RBFOX1: variants seen among roughly 807,000 people sequenced by gnomAD.
The protein encoded by RBFOX1 is RNA binding fox-1 homolog 1.
Under a neutral mutation model 57.7 loss-of-function variants are expected in RBFOX1, and 8 were observed. The ratio of observed to expected loss-of-function variants is 0.14; its 90% CI spans 0.08 to 0.25. The LOEUF (loss-of-function observed/expected upper bound fraction) is 0.25, where lower values mean the gene tolerates loss of function less well. Among genes scored for constraint, RBFOX1 ranks in the 10% least tolerant of loss-of-function variants. The pLI, the probability that RBFOX1 is intolerant of heterozygous loss-of-function variation, is 1.00. For missense variants in RBFOX1, 611 were observed against 548.5 expected, an observed-to-expected ratio of 1.11 and a Z score of -1.14; for synonymous variants, 326 against 222.4, an observed-to-expected ratio of 1.47 and a Z score of -4.15.
chr16:7,489,600 C>G (rs183446543), intron 4 of RBFOX1, among the ~76,000 whole-genome samples: 1 of 152,148 alleles, frequency 6.6e-6, no homozygotes, highest in Non-Finnish European at 1.5e-5. Flanking sequence ...ACTGCAGCCT[C>G]GAACTCCCGG....
At chr16:7,465,046 C>T (rs1472220376) in intron 4 of RBFOX1, among the ~76,000 whole-genome samples, 1 of 152,024 alleles carries the variant, frequency 6.6e-6, no homozygotes, top group Admixed American at 6.6e-5. Context: ...CATGTTACCT[C>T]TTCCAGGGCA....
chr16:6,806,097 C>T (rs191917400), intron 3 of RBFOX1, among the ~76,000 whole-genome samples: 3 of 152,146 alleles, frequency 2.0e-5, no homozygotes, highest in Non-Finnish European at 4.4e-5. Flanking sequence ...AAAGATGATT[C>T]ATCCAAGAAC....
At chr16:6,807,801 C>G (rs112282706) in intron 3 of RBFOX1, among the ~76,000 whole-genome samples, 1 of 151,362 alleles carries the variant, frequency 6.6e-6, no homozygotes, top group Non-Finnish European at 1.5e-5. Flanking sequence ...GGTGACAGAG[C>G]GAGACTCCAT....
chr16:6,100,672 C>G (rs550255918), intron 1 of RBFOX1, among the ~76,000 whole-genome samples: 1 of 152,300 alleles, frequency 6.6e-6, no homozygotes, highest in East Asian at 1.9e-4. Flanking sequence ...ATCTATCTAA[C>G]ATTACAGCAA....
intron 1 of RBFOX1, among the ~76,000 whole-genome samples, chr16:5,419,735 T>G (rs2067259319): frequency 6.6e-6 from 1 of 151,994 alleles, no homozygotes; most frequent in African/African-American, 2.4e-5. Flanking sequence ...ACAAAAGACC[T>G]GAAAGGCAGA....
chr16:7,214,417 G>T (rs1476018901), intron 4 of RBFOX1, among the ~76,000 whole-genome samples: 6 of 151,892 alleles, frequency 4.0e-5, no homozygotes, highest in Non-Finnish European at 8.8e-5. Flanking sequence ...CTCTCTCATG[G>T]GCAGACTGCT....
chr16:6,440,756 G>A (rs1387472595), intron 2 of RBFOX1, among the ~76,000 whole-genome samples: 8 of 150,162 alleles, frequency 5.3e-5, no homozygotes, highest in Non-Finnish European at 8.9e-5. Context: ...AGCCGAGATC[G>A]TGCCAGTGTG....
intron 1 of RBFOX1, among the ~76,000 whole-genome samples, chr16:5,452,355 C>T (rs899480852): frequency 2.6e-5 from 4 of 151,908 alleles, no homozygotes; most frequent in African/African-American, 7.3e-5. Flanking sequence ...GTGATCCACC[C>T]GCCTCGACCT....
chr16:6,911,828 T>G (rs908509396), intron 3 of RBFOX1, among the ~76,000 whole-genome samples: 5 of 152,216 alleles, frequency 3.3e-5, no homozygotes, highest in African/African-American at 1.2e-4. Context: ...TGAATTTACT[T>G]TTTAAAAATC....
intron 1 of RBFOX1, among the ~76,000 whole-genome samples, chr16:5,309,964 G>A (rs1181876912): frequency 6.6e-6 from 1 of 152,144 alleles, no homozygotes; most frequent in Admixed American, 6.6e-5. Context: ...AGAGCTGCTT[G>A]TTCCTCTCTG....
chr16:6,496,450 C>T (rs1039027849), intron 2 of RBFOX1, among the ~76,000 whole-genome samples: 12 of 152,150 alleles, frequency 7.9e-5, no homozygotes, highest in African/African-American at 2.7e-4. Flanking sequence ...TTCTCAGTGC[C>T]TTACTTTTAA....
intron 2 of RBFOX1, among the ~76,000 whole-genome samples, chr16:6,363,468 G>A (rs544114201): frequency 7.9e-5 from 12 of 152,290 alleles, no homozygotes; most frequent in East Asian, 1.9e-4. Context: ...ATGTTCTAGC[G>A]TGGAATGGAT....
intron 1 of RBFOX1, among the ~76,000 whole-genome samples, chr16:6,086,652 G>A (rs2096089340): frequency 6.6e-6 from 1 of 152,178 alleles, no homozygotes; most frequent in East Asian, 1.9e-4. Flanking sequence ...CTCATATCAG[G>A]GAGATGATTT....
At chr16:5,999,776 G>A (rs1369457791) in intron 4 of RBFOX1, among the ~76,000 whole-genome samples, 1 of 149,706 alleles carries the variant, frequency 6.7e-6, no homozygotes, top group African/African-American at 2.4e-5. Flanking sequence ...CAGGAGAATG[G>A]CGTGAACCTG....
At chr16:5,526,645 G>A (rs1354113427) in intron 2 of RBFOX1, among the ~76,000 whole-genome samples, 14 of 152,130 alleles carry the variant, frequency 9.2e-5, no homozygotes. Flanking sequence ...GGACACACAA[G>A]CAATGAAACA....
At chr16:7,124,087 C>A (rs1435427977) in intron 4 of RBFOX1, among the ~76,000 whole-genome samples, 1 of 152,042 alleles carries the variant, frequency 6.6e-6, no homozygotes, top group Non-Finnish European at 1.5e-5. Context: ...TCCCAAATGC[C>A]CAGTGTTTTA....
chr16:6,230,577 G>A (rs1368159762), intron 1 of RBFOX1, among the ~76,000 whole-genome samples: 1 of 152,204 alleles, frequency 6.6e-6, no homozygotes, highest in Admixed American at 6.5e-5. Context: ...TGGGTCAACA[G>A]TTTGGACTAG....
intron 1 of RBFOX1, among the ~76,000 whole-genome samples, chr16:5,249,737 G>A (rs1407264271): frequency 1.3e-5 from 2 of 152,242 alleles, no homozygotes; most frequent in South Asian, 4.1e-4. Context: ...TGGAGGTCAA[G>A]GTGGGCGGGC....
intron 3 of RBFOX1, among the ~76,000 whole-genome samples, chr16:6,890,494 G>C (rs969395580): frequency 3.3e-5 from 5 of 150,678 alleles, no homozygotes; most frequent in Non-Finnish European, 7.4e-5. Flanking sequence ...ACTCCAGCCT[G>C]GGCAACAGAG....
Sources: gnomAD v4.1 joint callset for allele counts (sites outside exome capture counted in the v4.1 genomes callset) on GRCh38, gnomAD v4.1.1 for gene constraint, MANE v1.5 for transcripts, NCBI Gene and HGNC (gene_info 2026-07-23, HGNC 2026-07-21) for gene names.